STOX2: variants seen among roughly 807,000 people sequenced by gnomAD.
STOX2 encodes storkhead box 2.
In STOX2, 28 loss-of-function variants were observed where a neutral mutation model predicts 60.9. The observed-to-expected ratio is 0.46, with a 90% CI of 0.34 to 0.63. The LOEUF (loss-of-function observed/expected upper bound fraction) is 0.63. Among genes scored for constraint, STOX2 ranks in the 30% least tolerant of loss-of-function variants. The pLI is 0.01. For missense variants in STOX2, 1,024 were observed against 1,187.7 expected (o/e 0.86, Z 2.03); for synonymous variants, 472 against 463.9 (o/e 1.02, Z -0.22).
At chr4:183,862,566 A>G (rs1740473183) in intron 1 of STOX2, among the ~76,000 whole-genome samples, 1 of 152,214 alleles carries the variant, frequency 6.6e-6, no homozygotes, top group Admixed American at 6.5e-5. Context: ...AGAAGTGACA[A>G]TGGGAAGACC....
intron 1 of STOX2, among the ~76,000 whole-genome samples, chr4:183,918,645 T>G (rs5028439): frequency 0.23 from 34,802 of 152,216 alleles, 4,424 homozygotes; most frequent in East Asian, 0.52. Context: ...GCCAACCAAG[T>G]GCATGTTCCT....
intron 1 of STOX2, among the ~76,000 whole-genome samples, chr4:183,824,493 A>T (rs1484852935): frequency 1.3e-5 from 2 of 152,228 alleles, no homozygotes; most frequent in Non-Finnish European, 2.9e-5. Context: ...AGCTTCTCAA[A>T]TAAACAGCCA....
chr4:183,873,307 G>A (rs921636414), intron 1 of STOX2, among the ~76,000 whole-genome samples: 3 of 152,150 alleles, frequency 2.0e-5, no homozygotes, highest in Non-Finnish European at 2.9e-5. Flanking sequence ...TTAGCCAGGC[G>A]TGTTGGCACA....
At chr4:183,995,997 A>C (rs576106031) in intron 1 of STOX2, among the ~76,000 whole-genome samples, 1 of 152,342 alleles carries the variant, frequency 6.6e-6, no homozygotes, top group African/African-American at 2.4e-5. Flanking sequence ...ATGACCTCAC[A>C]TGAAAGCAGT....
At chr4:183,952,961 T>C (rs1743136539) in intron 1 of STOX2, among the ~76,000 whole-genome samples, 2 of 152,084 alleles carry the variant, frequency 1.3e-5, no homozygotes, top group African/African-American at 4.8e-5. Flanking sequence ...CACCACATGT[T>C]CTCACTCATA....
At chr4:183,835,426 A>G (rs1005436858) in intron 1 of STOX2, among the ~76,000 whole-genome samples, 2 of 151,952 alleles carry the variant, frequency 1.3e-5, no homozygotes, top group South Asian at 2.1e-4. Context: ...GGGTTTCACC[A>G]TGTTAGCCAG....
Position 183,913,152 on chromosome 4 carries a change from G to A in STOX2, c.166+6196G>A, listed in dbSNP as rs146043994. On this transcript the variant is annotated intron_variant, in intron 1 of 3. Transcript: ENST00000308497. ...ATTTGAAGAGATGGAGAAGGAGAAG[G>A]ATTTGGGGAAGGTTGAGGAAGCGGT... 1.4e-3 allele frequency among the ~76,000 whole-genome samples: 217 copies of A among 152,264 alleles called. 2 individuals carry two copies. The highest frequency in any genetic ancestry group is 7.0e-3 in the Admixed American group (107 of 15,292).
chr4:183,849,984 A>G (rs973448882), intron 1 of STOX2, among the ~76,000 whole-genome samples: 1 of 148,354 alleles, frequency 6.7e-6, no homozygotes, highest in African/African-American at 2.5e-5. Flanking sequence ...TTTTTTTGAG[A>G]TGGAGTTTCA....
intron 1 of STOX2, among the ~76,000 whole-genome samples, chr4:183,945,529 G>A (rs1418621841): frequency 6.6e-6 from 1 of 152,160 alleles, no homozygotes; most frequent in African/African-American, 2.4e-5. Context: ...GCTCAAGATG[G>A]TTTTGCTGGG....
chr4:183,830,941 A>G (rs897885508), intron 1 of STOX2, among the ~76,000 whole-genome samples: 2 of 148,832 alleles, frequency 1.3e-5, no homozygotes, highest in Admixed American at 1.3e-4. Flanking sequence ...ATGATTGAAC[A>G]GTTTTCAGTT....
At chr4:183,904,267 G>A (rs977647401), upstream of STOX2, among the ~76,000 whole-genome samples, 1 of 152,226 alleles carries the variant, frequency 6.6e-6, no homozygotes. Context: ...CTAATGGGCC[G>A]AGGACTAGAA....
At chr4:183,809,801 A>T (rs1209096789) in intron 1 of STOX2, among the ~76,000 whole-genome samples, 2 of 152,256 alleles carry the variant, frequency 1.3e-5, no homozygotes, top group Non-Finnish European at 2.9e-5. Flanking sequence ...AAAAACATAC[A>T]GACTTTCAAC....
Position 184,009,850 on chromosome 4 carries a change from G to A in STOX2, c.1012G>A (p.Glu338Lys), listed in dbSNP as rs754910966. Residue 338 changes from glutamate to lysine, a missense_variant, in exon 3 of 4, where the codon GAA becomes AAA. Glu to Lys is a moderately conservative substitution (Grantham distance 56). Coordinates refer to ENST00000308497, the MANE Select transcript of STOX2 (RefSeq NM_020225.3). This position sits in a 1 kb window ranked among gnomAD's most constrained non-coding sequence, Gnocchi z 4.0. The stretch of plus-strand genomic sequence containing the variant: ...GCACACCGCGCTCATGAAGAAACTG[G>A]AAGAAGAAAAGGCCCAGAGGAGTAA... ...MRHTALMKKLEEEKAQRSKAG... is the reference protein window; with the variant it reads ...MRHTALMKKLKEEKAQRSKAG... 6.2e-7 allele frequency: 1 copy of A among 1,611,756 alleles called. No homozygotes were observed. Among genetic ancestry groups the A allele is most frequent in the Non-Finnish European group, 8.5e-7 (1 of 1,179,014 alleles).
chr4:183,978,745 T>C (rs1326346474), intron 1 of STOX2, among the ~76,000 whole-genome samples: 1 of 152,200 alleles, frequency 6.6e-6, no homozygotes. Flanking sequence ...TATGACACTC[T>C]AGAAATGGCA....
intron 1 of STOX2, among the ~76,000 whole-genome samples, chr4:183,909,584 C>A (rs769956912): frequency 1.4e-4 from 22 of 152,146 alleles, no homozygotes; most frequent in Non-Finnish European, 2.8e-4. Flanking sequence ...TATTTTTAGA[C>A]CCCCTCCCTC....
intron 1 of STOX2, among the ~76,000 whole-genome samples, chr4:183,920,764 T>G (rs997889029): frequency 3.9e-5 from 6 of 152,206 alleles, no homozygotes; most frequent in African/African-American, 1.4e-4. Flanking sequence ...GCCATTGTAA[T>G]GCCGTTGTGA....
intron 2 of STOX2, among the ~76,000 whole-genome samples, chr4:184,007,860 G>A (rs915941953): frequency 1.3e-5 from 2 of 152,112 alleles, no homozygotes; most frequent in African/African-American, 2.4e-5. Context: ...ATTAGAGACC[G>A]CTCTAACGAC....
At chr4:183,975,237 A>G (rs2111180832) in intron 1 of STOX2, among the ~76,000 whole-genome samples, 1 of 152,170 alleles carries the variant, frequency 6.6e-6, no homozygotes, top group African/African-American at 2.4e-5. Flanking sequence ...TAGAAAAGAA[A>G]AAAAGAACTG....
intron 1 of STOX2, among the ~76,000 whole-genome samples, chr4:183,875,552 G>C (rs896934107): frequency 6.6e-6 from 1 of 152,204 alleles, no homozygotes. Context: ...CTGGTGGAGC[G>C]GGCTTTGCAG....
Sources: gnomAD v4.1 joint callset for allele counts (sites outside exome capture counted in the v4.1 genomes callset) on GRCh38, gnomAD v4.1.1 for gene constraint, Gnocchi (gnomAD v3.1) non-coding constraint, MANE v1.5 for transcripts, NCBI Gene and HGNC (gene_info 2026-07-23, HGNC 2026-07-21) for gene names.